Variants in CCDC158 observed in about 807,000 individuals in gnomAD.
CCDC158 encodes coiled-coil domain-containing protein 158.
In CCDC158, 116 loss-of-function variants were observed where a neutral mutation model predicts 138.6. The ratio of observed to expected loss-of-function variants is 0.84; its 90% CI spans 0.72 to 0.98. The LOEUF is 0.98. CCDC158 is among the 50% of genes least tolerant of loss of function. The pLI is 0.00. For synonymous variants in CCDC158, 436 were observed against 442.4 expected, an observed-to-expected ratio of 0.99 and a Z score of 0.18; for missense variants, 1,265 against 1,306.1, an observed-to-expected ratio of 0.97 and a Z score of 0.48.
At chr4:76,379,917 C>T (rs982387383) in intron 8 of CCDC158, among the ~76,000 whole-genome samples, 4 of 152,104 alleles carry the variant, frequency 2.6e-5, no homozygotes, top group Admixed American at 2.0e-4. Context: ...TGAGTTCTCA[C>T]AACATCTGAT....
intron 8 of CCDC158, among the ~76,000 whole-genome samples, chr4:76,381,676 G>A (rs1726258522): frequency 6.6e-6 from 1 of 152,044 alleles, no homozygotes; most frequent in South Asian, 2.1e-4. Flanking sequence ...GTTGAGAAGG[G>A]ATAATTATAT....
At chr4:76,345,157 T>C in intron 18 of CCDC158, 1 of 1,055,024 alleles carries the variant, frequency 9.5e-7, no homozygotes, top group South Asian at 1.3e-5. Context: ...GAGCCCACAG[T>C]CATCAAAAAG....
At chr4:76,320,288 T>C (rs765754953) in intron 24 of CCDC158, among the ~76,000 whole-genome samples, 2 of 152,160 alleles carry the variant, frequency 1.3e-5, no homozygotes, top group Non-Finnish European at 2.9e-5. Flanking sequence ...AAGGAAATCA[T>C]AGACAACACA....
intron 9 of CCDC158, among the ~76,000 whole-genome samples, chr4:76,376,011 T>C (rs1725682391): frequency 1.3e-5 from 2 of 152,144 alleles, no homozygotes; most frequent in Non-Finnish European, 2.9e-5. Context: ...CATGTTGATG[T>C]TTAATATCAA....
intron 12 of CCDC158, among the ~76,000 whole-genome samples, chr4:76,363,500 T>C (rs557486523): frequency 1.3e-5 from 2 of 152,204 alleles, no homozygotes; most frequent in East Asian, 3.9e-4. Flanking sequence ...CTGGGGTCGG[T>C]CTTGGGGACC....
intron 3 of CCDC158, among the ~76,000 whole-genome samples, chr4:76,397,363 C>A (rs1392354779): frequency 6.6e-6 from 1 of 151,646 alleles, no homozygotes; most frequent in Non-Finnish European, 1.5e-5. Flanking sequence ...TATTTCTGAG[C>A]CATATAAATG....
chr4:76,331,112 A>G (rs1323282738), intron 21 of CCDC158, among the ~76,000 whole-genome samples: 1 of 152,118 alleles, frequency 6.6e-6, no homozygotes, highest in African/African-American at 2.4e-5. Flanking sequence ...ATCTCTGTCT[A>G]TTTAGGTGGT....
chr4:76,316,108 A>G (rs1388544342), intron 24 of CCDC158, among the ~76,000 whole-genome samples: 1 of 152,244 alleles, frequency 6.6e-6, no homozygotes, highest in Non-Finnish European at 1.5e-5. Flanking sequence ...AGTTAAACCA[A>G]GAAGAAATCT....
intron 1 of CCDC158, among the ~76,000 whole-genome samples, chr4:76,418,688 C>T (rs917857687): frequency 5.3e-5 from 8 of 152,156 alleles, no homozygotes; most frequent in African/African-American, 1.9e-4. Context: ...GGCTTATTCA[C>T]TATCACGAGA....
intron 24 of CCDC158, 111 bp downstream of exon 24, chr4:76,323,191 A>G: frequency 1.4e-6 from 1 of 702,434 alleles, no homozygotes; most frequent in Non-Finnish European, 2.4e-6. Flanking sequence ...TTCAGTTTAC[A>G]GTTGTTAATT....
At position 76,327,000 on chromosome 4, in the gene CCDC158, T is replaced by C. The variant is rs571940633; in HGVS notation, c.3011-985A>G. Among the ~76,000 whole-genome samples the C allele has an allele frequency of 1.5e-4, 23 of 152,288 alleles. No homozygotes were observed. In the South Asian group the frequency reaches 4.8e-3, roughly 32 times the overall value. On this transcript the variant is annotated intron_variant, in intron 22 of 24. Coordinates refer to ENST00000682701, the MANE Select transcript of CCDC158 (RefSeq NM_001394954.1). Reference sequence around the variant, plus strand: ...ATTAAATGTGGTATTCATATTTTTATAATTCATATTTTTAATTAAAATATA... The same window carrying C: ...ATTAAATGTGGTATTCATATTTTTACAATTCATATTTTTAATTAAAATATA...
At chr4:76,406,186 C>A (rs61402764) in intron 2 of CCDC158, among the ~76,000 whole-genome samples, 1 of 151,946 alleles carries the variant, frequency 6.6e-6, no homozygotes, top group Non-Finnish European at 1.5e-5. Flanking sequence ...CAAGAAAGCA[C>A]GGGTTAAAAT....
intron 2 of CCDC158, among the ~76,000 whole-genome samples, chr4:76,405,306 G>A (rs1020813920): frequency 6.6e-6 from 1 of 152,252 alleles, no homozygotes; most frequent in South Asian, 2.1e-4. Flanking sequence ...TCCCTCAAAA[G>A]GTTTGAAGCC....
intron 8 of CCDC158, among the ~76,000 whole-genome samples, chr4:76,380,571 ATG>A (rs1726137892): frequency 1.3e-5 from 2 of 152,188 alleles, no homozygotes; most frequent in African/African-American, 4.8e-5. Flanking sequence ...TTACAAAGAG[ATG>A]GTGTGAAATT....
At chr4:76,351,315 G>A (rs1463803621) in intron 17 of CCDC158, among the ~76,000 whole-genome samples, 194 bp from the exon 18 acceptor site, 2 of 145,142 alleles carry the variant, frequency 1.4e-5, no homozygotes, top group Non-Finnish European at 3.2e-5. Flanking sequence ...AAAAAAAAAC[G>A]TTTTGTCATG....
intron 3 of CCDC158, among the ~76,000 whole-genome samples, chr4:76,399,482 T>TTA (rs1560473971): frequency 2.0e-5 from 3 of 151,984 alleles, no homozygotes; most frequent in African/African-American, 7.3e-5. Flanking sequence ...AAATTAAATT[T>TTA]AAAAATAAAT....
chr4:76,357,325 C>T, intron 14 of CCDC158, 49 bp downstream of exon 14: 1 of 1,330,214 alleles, frequency 7.5e-7, no homozygotes, highest in Non-Finnish European at 1.0e-6. Context: ...CAAATTTAGT[C>T]CATTAAATTA....
Position 76,338,551 on chromosome 4 carries a change from G to T in CCDC158, c.2665-4384C>A, listed in dbSNP as rs570952259. The stretch of plus-strand genomic sequence containing the variant: ...AAAATGAAAAACATTAGCAGAGAGG[G>T]TTGACTGCACAAAGACCATAATAAA... On this transcript the variant is annotated intron_variant, in intron 18 of 24. Transcript: ENST00000682701. Among the ~76,000 whole-genome samples the T allele has an allele frequency of 2.0e-5, 3 of 152,178 alleles. No individual in the cohort carries two copies. In the East Asian group the frequency reaches 5.8e-4, roughly 29 times the overall value.
chr4:76,345,363 C>A, intron 18 of CCDC158: 2 of 1,088,478 alleles, frequency 1.8e-6, no homozygotes, highest in Admixed American at 3.4e-5. Flanking sequence ...GGATAAGGCC[C>A]GGTTAAAGAG....
Sources: allele counts gnomAD v4.1 joint callset (sites outside exome capture counted in the v4.1 genomes callset), GRCh38; gene constraint gnomAD v4.1.1; transcripts MANE v1.5; gene names NCBI Gene and HGNC (gene_info 2026-07-23, HGNC 2026-07-21).